The following AP3M1 variants were observed in gnomAD, a reference collection of about 807,000 sequenced individuals.
AP3M1 encodes the protein AP-3 complex subunit mu-1.
In AP3M1, 29 loss-of-function variants were observed where a neutral mutation model predicts 42.6. The observed-to-expected ratio is 0.68, with a 90% CI of 0.51 to 0.93. The LOEUF is 0.93. Ranked by LOEUF, AP3M1 falls within the 40% of genes least tolerant of loss-of-function variation. AP3M1 has a pLI of 0.00. For synonymous variants in AP3M1, 178 were observed against 175.3 expected, an observed-to-expected ratio of 1.02 and a Z score of -0.12; for missense variants, 416 against 510.2, an observed-to-expected ratio of 0.82 and a Z score of 1.78.
chr10:74,139,219 CA>C (rs373431832), intron 1 of AP3M1, among the ~76,000 whole-genome samples: 2 of 150,758 alleles, frequency 1.3e-5, no homozygotes, highest in East Asian at 1.9e-4. Context: ...CACACACACA[CA>C]AAAAAAAACC....
chr10:74,138,635 A>T (rs539083927), intron 1 of AP3M1, among the ~76,000 whole-genome samples: 1 of 151,894 alleles, frequency 6.6e-6, no homozygotes, highest in East Asian at 1.9e-4. Flanking sequence ...TTAAGAACAA[A>T]AAGAAACTTC....
intron 3 of AP3M1, among the ~76,000 whole-genome samples, chr10:74,135,380 C>A (rs1840911900): frequency 6.6e-6 from 1 of 152,154 alleles, no homozygotes; most frequent in Non-Finnish European, 1.5e-5. Flanking sequence ...TGGCCACCCA[C>A]CACAGTTCAG....
chr10:74,124,625 G>T, intron 7 of AP3M1, 101 bp from the exon 8 acceptor site: 1 of 1,003,666 alleles, frequency 1.0e-6, no homozygotes, highest in Non-Finnish European at 1.4e-6. Flanking sequence ...ACAAACTGAA[G>T]TGCAGTCTCT....
At chr10:74,139,261 C>T (rs1424652951) in intron 1 of AP3M1, among the ~76,000 whole-genome samples, 1 of 151,918 alleles carries the variant, frequency 6.6e-6, no homozygotes, top group East Asian at 1.9e-4. Context: ...GTTCAGCAAG[C>T]TTGCAGGACA....
chr10:74,141,146 T>C (rs1039603163), intron 1 of AP3M1, among the ~76,000 whole-genome samples: 2 of 152,092 alleles, frequency 1.3e-5, no homozygotes, highest in Non-Finnish European at 2.9e-5. Flanking sequence ...TATAAAGAAC[T>C]TTTACTCAAT....
chr10:74,147,748 C>A (rs1047306843), intron 1 of AP3M1, among the ~76,000 whole-genome samples: 1 of 152,114 alleles, frequency 6.6e-6, no homozygotes, highest in Non-Finnish European at 1.5e-5. Context: ...CACCTGTAAT[C>A]CCAGCACTTT....
intron 3 of AP3M1, 32 bp downstream of exon 3, chr10:74,136,600 T>G (rs758116919): frequency 7.0e-7 from 1 of 1,429,768 alleles, no homozygotes; most frequent in Non-Finnish European, 9.3e-7. Flanking sequence ...TTTTAATTGC[T>G]CAGTTACTAG....
chr10:74,138,160 C>A lies in AP3M1; in HGVS notation c.220G>T (p.Val74Leu), dbSNP rs781205239. ...LFFVSVIQTE[V>L]PPLFVIEFLH... ...AACTCAATTACAAAGAGAGGTGGCA[C>A]TTCGGTCTGTATGACAGATACAAAG... The change falls in exon 2 of 9, where the codon GTG becomes TTG. Residue 74 changes from valine (V) to leucine (L), a missense_variant. Val to Leu is a conservative substitution (Grantham distance 32, BLOSUM62 1). Coordinates refer to ENST00000355264, the MANE Select transcript of AP3M1 (RefSeq NM_012095.6). 6.2e-7 allele frequency: 1 copy of A among 1,614,000 alleles called. No individual in the cohort carries two copies. The highest frequency in any genetic ancestry group is 8.5e-7 in the Non-Finnish European group (1 of 1,180,018).
intron 3 of AP3M1, 33 bp from the exon 4 acceptor site, chr10:74,134,197 T>G: frequency 6.3e-7 from 1 of 1,582,228 alleles, no homozygotes; most frequent in Non-Finnish European, 8.6e-7. Context: ...GCAAAGCTGA[T>G]GTATAAAACA....
At chr10:74,141,975 C>T (rs1021087537) in intron 1 of AP3M1, among the ~76,000 whole-genome samples, 2 of 151,890 alleles carry the variant, frequency 1.3e-5, no homozygotes, top group East Asian at 1.9e-4. Flanking sequence ...CCTGCCTCAG[C>T]CTCCCAAAGT....
intron 3 of AP3M1, among the ~76,000 whole-genome samples, chr10:74,135,345 C>T (rs970111534): frequency 4.6e-5 from 7 of 152,132 alleles, no homozygotes; most frequent in Non-Finnish European, 1.0e-4. Context: ...TTCCTCACTT[C>T]CTGAATTCTA....
In AP3M1 at chr10:74,121,862, G is replaced by A. The variant is rs1400455964; in HGVS notation, c.*1948C>T. On this transcript the variant is annotated 3_prime_UTR_variant, in exon 9 of 9. Coordinates refer to ENST00000355264, the MANE Select transcript of AP3M1 (RefSeq NM_012095.6). ...AAATACAGTAATTTGATTGTAAAAG[G>A]AAACATTCTACTTGGACATTTTAGT... is the stretch of plus-strand genomic sequence containing the variant. The A allele has an allele frequency of 4.6e-5, 7 of 152,172 alleles. No homozygotes were observed. Among genetic ancestry groups the A allele is most frequent in the Admixed American group, 4.6e-4 (7 of 15,280 alleles). The allele number at this position is 152,172 out of a possible 1,614,324, so 9.4% of individuals were successfully genotyped here.
chr10:74,133,942 C>CGGTG, intron 4 of AP3M1, 85 bp downstream of exon 4: 2 of 1,537,262 alleles, frequency 1.3e-6, no homozygotes, highest in Non-Finnish European at 1.8e-6. Context: ...CGTGAGCCAC[C>CGGTG]GCGCCCGGCC....
intron 6 of AP3M1, 55 bp from the exon 7 acceptor site, chr10:74,126,410 G>A: frequency 2.1e-6 from 3 of 1,453,790 alleles, no homozygotes; most frequent in Non-Finnish European, 2.9e-6. Context: ...AATGGTGTGG[G>A]GAGAGCTCCA....
chr10:74,143,631 T>G (rs1841226786), intron 1 of AP3M1, among the ~76,000 whole-genome samples: 1 of 152,210 alleles, frequency 6.6e-6, no homozygotes, highest in South Asian at 2.1e-4. Context: ...CTCATCTTAT[T>G]TTCACAATGC....
intron 1 of AP3M1, among the ~76,000 whole-genome samples, chr10:74,147,151 G>C (rs539846208): frequency 6.6e-6 from 1 of 152,258 alleles, no homozygotes; most frequent in East Asian, 1.9e-4. Context: ...TGGGTGTGGT[G>C]GTGGGTGCCT....
At position 74,126,345 on chromosome 10, in the gene AP3M1, T is replaced by C. The variant is rs749397564; in HGVS notation, c.814A>G (p.Ile272Val). Residue 272 changes from isoleucine to valine, a missense_variant, in exon 7 of 9, where the codon ATA (isoleucine) becomes GTA (valine). Physicochemically the swap from Ile to Val is conservative, Grantham distance 29. Coordinates refer to ENST00000355264, the MANE Select transcript of AP3M1 (RefSeq NM_012095.6). Reference sequence around the variant, plus strand: ...ATACTATGTTTCACATACACTGGTATTGCCACTAGACTAAAAAGAGAAACA... The same window carrying C: ...ATACTATGTTTCACATACACTGGTACTGCCACTAGACTAAAAAGAGAAACA... ...YRVSSQNLVA[I>V]PVYVKHSISF... The C allele has an allele frequency of 3.7e-6, 6 of 1,613,692 alleles. No homozygotes were observed. Among genetic ancestry groups the C allele is most frequent in the Non-Finnish European group, 5.1e-6 (6 of 1,179,618 alleles).
At chr10:74,147,346 T>C (rs1286364322) in intron 1 of AP3M1, among the ~76,000 whole-genome samples, 1 of 152,186 alleles carries the variant, frequency 6.6e-6, no homozygotes, top group Non-Finnish European at 1.5e-5. Flanking sequence ...AAACTTTCTT[T>C]TCCTTAATGC....
Position 74,138,392 on chromosome 10 carries a change from C to A in AP3M1, c.-3-10G>T, listed in dbSNP as rs200648173. On this transcript the variant is annotated splice_polypyrimidine_tract_variant and intron_variant, in intron 1 of 8. Transcript: ENST00000355264. ...GACTGTGGATCATTTTCTGTTGGGGCAAAGAAAGGTTTAAATTTATTATAC... is the reference window on the plus strand; with the variant it reads ...GACTGTGGATCATTTTCTGTTGGGGAAAAGAAAGGTTTAAATTTATTATAC... 4.4e-6 allele frequency: 7 copies of A among 1,602,396 alleles called. No homozygotes were observed. In the African/African-American group the frequency reaches 5.4e-5, roughly 12 times the overall value.
Sources: allele counts gnomAD v4.1 joint callset (sites outside exome capture counted in the v4.1 genomes callset), GRCh38; gene constraint gnomAD v4.1.1; transcripts MANE v1.5; gene names NCBI Gene and HGNC (gene_info 2026-07-23, HGNC 2026-07-21).